The following TTLL5 variants were observed in gnomAD, a reference collection of about 807,000 sequenced individuals.
The protein encoded by TTLL5 is tubulin tyrosine ligase like 5.
In TTLL5, 132 loss-of-function variants were observed where a neutral mutation model predicts 168.4. That is an observed-to-expected ratio of 0.78 (90% CI 0.68 to 0.91). The LOEUF (loss-of-function observed/expected upper bound fraction) is 0.91. Ranked by LOEUF, TTLL5 falls within the 40% of genes least tolerant of loss-of-function variation. TTLL5 has a pLI of 0.00. For missense variants in TTLL5, 1,545 were observed against 1,581.5 expected (o/e 0.98, Z 0.39); for synonymous variants, 546 against 558.6 (o/e 0.98, Z 0.32).
chr14:75,827,849 C>G (rs1895309670), intron 28 of TTLL5, among the ~76,000 whole-genome samples: 1 of 150,040 alleles, frequency 6.7e-6, no homozygotes, highest in Non-Finnish European at 1.5e-5. Flanking sequence ...TCCCAAGTAG[C>G]TGGGACTACA....
At position 75,707,651 on chromosome 14, in the gene TTLL5, G is replaced by A; in HGVS notation, c.684G>A (p.Val228=). ...TCAAGTTTGACGTGCGCCTCTATGT[G>A]CTCGTGACTTCCTATGATCCTCTTG... ...DDFKFDVRLY[V]LVTSYDPLVI... is the part of the protein sequence containing the mutation. Residue 228 remains valine, a synonymous_variant, in exon 9 of 32, where the codon GTG becomes GTA. Coordinates refer to ENST00000298832, the MANE Select transcript of TTLL5 (RefSeq NM_015072.5). 6.2e-7 allele frequency: 1 copy of A among 1,611,706 alleles called. No individual in the cohort carries two copies. The highest frequency in any genetic ancestry group is 8.5e-7 in the Non-Finnish European group (1 of 1,179,166).
intron 1 of TTLL5, 83 bp from the exon 2 acceptor site, chr14:75,662,972 C>T (rs992013549): frequency 1.1e-4 from 77 of 695,058 alleles, no homozygotes; most frequent in Non-Finnish European, 1.8e-4. Context: ...ATTTTCATTA[C>T]TTAGATTATC....
chr14:75,950,131 G>T (rs1394398880), intron 31 of TTLL5, among the ~76,000 whole-genome samples: 1 of 152,070 alleles, frequency 6.6e-6, no homozygotes, highest in African/African-American at 2.4e-5. Context: ...TCTATATATA[G>T]GAAATAACTT....
Position 75,690,422 on chromosome 14 carries a change from A to G in TTLL5, c.502+100A>G, listed in dbSNP as rs1042975120. The G allele has an allele frequency of 4.3e-6, 6 of 1,410,514 alleles. No individual in the cohort carries two copies. The African/African-American group carries it at 7.3e-5, about 17-fold the overall frequency. The allele number at this position is 1,410,514 out of a possible 1,614,324, so 87.4% of individuals were successfully genotyped here. ...AGGTGTCAACCAATCAGGGCTTTCCAAATCCTTAGACAACTGTGACTCTTT... is the reference window on the plus strand; with the variant it reads ...AGGTGTCAACCAATCAGGGCTTTCCGAATCCTTAGACAACTGTGACTCTTT... On this transcript the variant is annotated intron_variant, in intron 6 of 31. Coordinates refer to ENST00000298832, the MANE Select transcript of TTLL5 (RefSeq NM_015072.5).
At chr14:75,788,039 T>C (rs1892473148) in intron 26 of TTLL5, among the ~76,000 whole-genome samples, 1 of 152,074 alleles carries the variant, frequency 6.6e-6, no homozygotes, top group South Asian at 2.1e-4. Flanking sequence ...TAGTCCAAGC[T>C]CCCTAGGAGG....
intron 31 of TTLL5, among the ~76,000 whole-genome samples, chr14:75,914,506 G>A (rs904635549): frequency 1.3e-5 from 2 of 151,674 alleles, no homozygotes; most frequent in Non-Finnish European, 2.9e-5. Flanking sequence ...TTATTAAACA[G>A]TCTTCAAAAT....
intron 28 of TTLL5, among the ~76,000 whole-genome samples, chr14:75,843,877 GTTTTA>G (rs1555350794): frequency 6.1e-5 from 8 of 130,626 alleles, no homozygotes; most frequent in Non-Finnish European, 9.4e-5. Context: ...GTTTTGTTTT[GTTTTA>G]TTTTATTTTA....
intron 11 of TTLL5, among the ~76,000 whole-genome samples, chr14:75,720,239 A>G (rs1887756428): frequency 6.6e-6 from 1 of 152,188 alleles, no homozygotes. Context: ...ATCAAAATGG[A>G]CACAATTGCT....
At chr14:75,692,857 A>G (rs1242649606) in intron 6 of TTLL5, among the ~76,000 whole-genome samples, 2 of 152,170 alleles carry the variant, frequency 1.3e-5, no homozygotes, top group African/African-American at 2.4e-5. Flanking sequence ...TCGATGGGGC[A>G]TCCAGGTAGT....
chr14:75,668,346 G>A (rs1883456239), intron 2 of TTLL5, among the ~76,000 whole-genome samples: 1 of 152,186 alleles, frequency 6.6e-6, no homozygotes, highest in Non-Finnish European at 1.5e-5. Flanking sequence ...CCAGCTATAT[G>A]ACCTTAGGCA....
chr14:75,917,038 G>A (rs1275427592), intron 31 of TTLL5, among the ~76,000 whole-genome samples: 1 of 152,164 alleles, frequency 6.6e-6, no homozygotes, highest in Non-Finnish European at 1.5e-5. Context: ...GGAGAGAGGG[G>A]AATAGGATGT....
chr14:75,925,895 C>A (rs190331569), intron 31 of TTLL5, among the ~76,000 whole-genome samples: 2 of 151,938 alleles, frequency 1.3e-5, no homozygotes, highest in Non-Finnish European at 2.9e-5. Flanking sequence ...CAAAAAAGTA[C>A]GAAAACCAGT....
At chr14:75,708,913 G>A (rs1886846554) in intron 9 of TTLL5, among the ~76,000 whole-genome samples, 1 of 152,092 alleles carries the variant, frequency 6.6e-6, no homozygotes, top group African/African-American at 2.4e-5. Context: ...GGCCACATTG[G>A]AAGAAGAATT....
intron 6 of TTLL5, among the ~76,000 whole-genome samples, chr14:75,695,571 A>G (rs2140146817): frequency 6.6e-6 from 1 of 152,232 alleles, no homozygotes; most frequent in East Asian, 1.9e-4. Context: ...GGCATCATGG[A>G]ACCTGCCAAC....
rs116193828 is a variant in TTLL5, at chr14:75,952,883, C to T, written c.3824-1541C>T. ...GGATGAGAGATGTAGGGGGTGGTGG[C>T]GAAGAAGTATGGGGTTTATTTTTGG... On this transcript the variant is annotated intron_variant, in intron 31 of 31. Coordinates refer to ENST00000298832, the MANE Select transcript of TTLL5 (RefSeq NM_015072.5). 6.0e-3 allele frequency among the ~76,000 whole-genome samples: 919 copies of T among 151,928 alleles called. 13 individuals carry two copies. Among genetic ancestry groups the T allele is most frequent in the African/African-American group, 0.021 (879 of 41,430 alleles).
At chr14:75,748,642 A>C (rs1396400352) in intron 17 of TTLL5, among the ~76,000 whole-genome samples, 3 of 152,242 alleles carry the variant, frequency 2.0e-5, no homozygotes, top group Non-Finnish European at 2.9e-5. Flanking sequence ...AAGACATGTG[A>C]ATGTTAAGCT....
At chr14:75,785,341 A>G (rs1892305118) in intron 26 of TTLL5, among the ~76,000 whole-genome samples, 1 of 152,034 alleles carries the variant, frequency 6.6e-6, no homozygotes, top group Admixed American at 6.5e-5. Flanking sequence ...CACCATGCTC[A>G]GCTAATTTTT....
chr14:75,709,090 A>G, intron 9 of TTLL5: 1 of 682,562 alleles, frequency 1.5e-6, no homozygotes, highest in Admixed American at 2.3e-5. Flanking sequence ...AGCTTGTTAT[A>G]AAGCATAGCA....
intron 30 of TTLL5, among the ~76,000 whole-genome samples, chr14:75,885,027 G>A (rs1321985356): frequency 6.7e-6 from 1 of 149,542 alleles, no homozygotes; most frequent in African/African-American, 2.5e-5. Context: ...AAAAAAATTA[G>A]CCAGGCATGC....
Sources: allele counts gnomAD v4.1 joint callset (sites outside exome capture counted in the v4.1 genomes callset), GRCh38; gene constraint gnomAD v4.1.1; transcripts MANE v1.5; gene names NCBI Gene and HGNC (gene_info 2026-07-23, HGNC 2026-07-21).